The following RECQL4 variants were observed in gnomAD, a reference collection of about 807,000 sequenced individuals.
RECQL4 encodes the protein ATP-dependent DNA helicase Q4.
A neutral mutation model predicts 128.6 loss-of-function variants in RECQL4; 158 were observed. The ratio of observed to expected loss-of-function variants is 1.23; its 90% CI spans 1.08 to 1.40. The LOEUF (loss-of-function observed/expected upper bound fraction) is 1.40, where lower values mean the gene tolerates loss of function less well. Ranked by LOEUF, RECQL4 falls within the 40% of genes most tolerant of loss-of-function variation. The pLI, the probability that RECQL4 is intolerant of heterozygous loss-of-function variation, is 0.00. For missense variants in RECQL4, 2,293 were observed against 1,649.8 expected (o/e 1.39, Z -6.75); for synonymous variants, 996 against 678.9 (o/e 1.47, Z -7.26).
chr8:144,515,401 G>C lies in RECQL4; in HGVS notation c.1315C>G (p.Pro439Ala). The C allele has an allele frequency of 6.2e-7, 1 of 1,612,804 alleles. No homozygotes were observed. ...GPEPLVPSPQ[P>A]VPEVPSLDPT... is the part of the protein sequence containing the mutation. ...TCCAGGCTGGGCACCTCAGGTACAG[G>C]TTGTGGTGAAGGAACCAGTGGCTCA... The change falls in exon 7 of 21, where the codon CCT (proline) becomes GCT (alanine). Residue 439 changes from proline to alanine, a missense_variant. Coordinates refer to ENST00000617875, the MANE Select transcript of RECQL4 (RefSeq NM_004260.4).
In RECQL4 at chr8:144,515,201, GC is replaced by G; in HGVS notation, c.1431del (p.His478ThrfsTer80). The G allele has an allele frequency of 6.4e-7, 1 of 1,571,486 alleles. No homozygotes were observed. Among genetic ancestry groups the G allele is most frequent in the Non-Finnish European group, 8.6e-7 (1 of 1,159,300 alleles). On this transcript the variant is annotated frameshift_variant, in exon 8 of 21. Transcript: ENST00000617875. LOFTEE classifies it high-confidence loss of function. ...TCCTGCCCAGGGCGAAAGGCTTGGT[GC>G]CCCAGCTGCTCCAGGGCCTGGAACA... ...AEVFQALEQLGHQAFRPGQER... is the reference protein window; with the variant it reads ...AEVFQALEQLXHQAFRPGQER...
rs747895651 is a variant in RECQL4 at position 144,514,086 on chromosome 8, C to T, written c.1900G>A (p.Val634Met). Residue 634 changes from valine to methionine, a missense_variant, in exon 12 of 21, where the codon GTG becomes ATG. Coordinates refer to ENST00000617875, the MANE Select transcript of RECQL4 (RefSeq NM_004260.4). ...VCKVLRERMG[V>M]HCFLGLTATA... ...GCTGTGAGGCCCAGGAAGCAGTGCA[C>T]GCCCATGCGCTCCCGAAGCACCTGC... is the stretch of plus-strand genomic sequence containing the variant. 1.9e-5 allele frequency: 30 copies of T among 1,598,226 alleles called. No individual in the cohort carries two copies. The highest frequency in any genetic ancestry group is 1.1e-4 in the African/African-American group (8 of 74,532).
Position 144,511,980 on chromosome 8 carries a change from A to T in RECQL4, c.3324T>A (p.Phe1108Leu). The change falls in exon 19 of 21, where the codon TTT becomes TTA. Residue 1108 changes from phenylalanine (F) to leucine (L), a missense_variant. Physicochemically the swap from Phe to Leu is conservative, Grantham distance 22 (BLOSUM62 0). Transcript: ENST00000617875. ...CCGGCTCCTGCCCTTCCTCTTCCTC[A>T]AAGTAGCGGCCGAGCAGGTCCTTGA... The part of the protein sequence containing the change: ...TRLKDLLGRY[F>L]EEEEGQEPGG... 1.9e-6 allele frequency: 3 copies of T among 1,611,308 alleles called. No individual in the cohort carries two copies. Among genetic ancestry groups the T allele is most frequent in the Non-Finnish European group, 2.5e-6 (3 of 1,179,596 alleles).
rs1347831284 is a variant in RECQL4 at position 144,516,571 on chromosome 8, A to C, written c.548T>G (p.Leu183Arg). 3 of 1,609,998 alleles carry C rather than the reference A, an allele frequency of 1.9e-6. No individual in the cohort carries two copies. Among genetic ancestry groups the C allele is most frequent in the Non-Finnish European group, 2.5e-6 (3 of 1,178,760 alleles). Residue 183 changes from leucine to arginine, a missense_variant, in exon 5 of 21, where the codon CTG (leucine) becomes CGG (arginine). Coordinates refer to ENST00000617875, the MANE Select transcript of RECQL4 (RefSeq NM_004260.4). ...TAACCAGCCAGGATCTAGGGAGCCCAGCCGCTGGCTCAGGGATGCCTGCAG... is the reference window on the plus strand; with the variant it reads ...TAACCAGCCAGGATCTAGGGAGCCCCGCCGCTGGCTCAGGGATGCCTGCAG... ...QHLQASLSQR[L>R]GSLDPGWLQR...
At position 144,512,767 on chromosome 8, in the gene RECQL4, G is replaced by T. The variant is rs752058642; in HGVS notation, c.2760C>A (p.Ile920=). Residue 920 remains isoleucine, a synonymous_variant, in exon 16 of 21, where the codon ATC becomes ATA. Coordinates refer to ENST00000617875, the MANE Select transcript of RECQL4 (RefSeq NM_004260.4). ...VQALDMPEEA[I]ETLLCYLELH... is the part of the protein sequence containing the mutation. ...GCTCCAGGTAGCACAGCAAAGTCTC[G>T]ATGGCTGGGGGCAGAGCAGGGCTCA... 9.3e-6 allele frequency: 15 copies of T among 1,611,616 alleles called. No individual in the cohort carries two copies. The highest frequency in any genetic ancestry group is 1.0e-5 in the Non-Finnish European group (12 of 1,179,734).
Position 144,514,980 on chromosome 8 carries a change from G to A in RECQL4, c.1576C>T (p.Leu526Phe), listed in dbSNP as rs200732690. The change falls in exon 9 of 21, where the codon CTC becomes TTC. Residue 526 changes from leucine to phenylalanine, a missense_variant. Leu to Phe is a conservative substitution (Grantham distance 22, BLOSUM62 0). Transcript: ENST00000617875. ...AGCAGGGGAGAGACGACCAACGTGA[G>A]GCAGGGGCTGCGCCGGCTGTAGAGC... ...ALLYSRRSPC[L>F]TLVVSPLLSL... 651 of 1,611,946 alleles carry A rather than the reference G, an allele frequency of 4.0e-4. 2 individuals are homozygous for A. The highest frequency in any genetic ancestry group is 1.7e-3 in the Middle Eastern group (10 of 5,946).
chr8:144,516,803 C>T (rs1815123040), intron 4 of RECQL4, 39 bp from the exon 5 acceptor site: 2 of 1,506,556 alleles, frequency 1.3e-6, no homozygotes, highest in Non-Finnish European at 1.8e-6. Context: ...GGAACTCAGG[C>T]CCCTGAGCTA....
rs148912524 is a variant in RECQL4 at position 144,515,323 on chromosome 8, C to T, written c.1390+3G>A. The T allele has an allele frequency of 3.3e-3, 5,295 of 1,612,376 alleles. 18 individuals are homozygous for T. The highest frequency in any genetic ancestry group is 4.0e-3 in the Non-Finnish European group (4,748 of 1,179,624). The stretch of plus-strand genomic sequence containing the variant: ...GGCTCTGGGCCAGAAGCTGACTGCT[C>T]ACCTGCCAACTGCCCTGAGGGCCCC... On this transcript the variant is annotated splice_donor_region_variant and intron_variant, in intron 7 of 20. Transcript: ENST00000617875.
Position 144,516,362 on chromosome 8 carries a change from G to C in RECQL4, c.757C>G (p.Gln253Glu). The change falls in exon 5 of 21, where the codon CAG becomes GAG. Residue 253 changes from glutamine (Q) to glutamate (E), a missense_variant. Gln to Glu is a conservative substitution (Grantham distance 29, BLOSUM62 2). Transcript: ENST00000617875. ...TTCTCGCCTCCACTGCTGCTGGGCT[G>C]GGGGCTCCCCACACGGATGCTGACT... ...QEVSIRVGSP[Q>E]PSSSGGEKRR... The C allele has an allele frequency of 6.2e-7, 1 of 1,609,338 alleles. No homozygotes were observed. The highest frequency in any genetic ancestry group is 8.5e-7 in the Non-Finnish European group (1 of 1,179,252).
chr8:144,516,554 C>T lies in RECQL4; in HGVS notation c.565G>A (p.Gly189Ser), dbSNP rs34371341. The change falls in exon 5 of 21, where the codon GGC becomes AGC. Residue 189 changes from glycine to serine, a missense_variant. Physicochemically the swap from Gly to Ser is moderately conservative, Grantham distance 56. Coordinates refer to ENST00000617875, the MANE Select transcript of RECQL4 (RefSeq NM_004260.4). ...TCACTGTGACATCGCTGTAACCAGC[C>T]AGGATCTAGGGAGCCCAGCCGCTGG... ...LSQRLGSLDP[G>S]WLQRCHSEVP... 3.6e-4 allele frequency: 582 copies of T among 1,609,990 alleles called. 3 individuals carry two copies. In the African/African-American group the frequency reaches 6.9e-3, roughly 19 times the overall value.
At chr8:144,516,960 CCTGT>C (rs1010297888) in intron 4 of RECQL4, 86 bp downstream of exon 4, 475 of 1,522,592 alleles carry the variant, frequency 3.1e-4, no homozygotes, top group Non-Finnish European at 3.6e-4. Flanking sequence ...GGGGCCCGTG[CCTGT>C]CTGTGTGGAA....
Position 144,513,073 on chromosome 8 carries a change from C to T in RECQL4, c.2529G>A (p.Lys843=), listed in dbSNP as rs1554897835. The change falls in exon 15 of 21, where the codon AAG becomes AAA. Residue 843 remains lysine (K), a synonymous_variant. Transcript: ENST00000617875. ...HADSTDFLAV[K]RLVQRVFPAC... Reference sequence around the variant, plus strand: ...CTGGGAACACGCGCTGTACCAGCCTCTTCACAGCCAGGAAGTCCGTGCTGT... The same window carrying T: ...CTGGGAACACGCGCTGTACCAGCCTTTTCACAGCCAGGAAGTCCGTGCTGT... 3.2e-6 allele frequency: 5 copies of T among 1,578,638 alleles called. No homozygotes were observed. Among genetic ancestry groups the T allele is most frequent in the East Asian group, 4.6e-5 (2 of 43,586 alleles).
chr8:144,517,449 G>C lies in RECQL4; in HGVS notation c.178C>G (p.Arg60Gly). The C allele has an allele frequency of 6.3e-7, 1 of 1,592,536 alleles. No individual in the cohort carries two copies. The highest frequency in any genetic ancestry group is 1.9e-4 in the Middle Eastern group (1 of 5,212). ...GCCGCGGGGAGCGACTCGGAGCTGC[G>C]GAGCCCGCCGCCGGCCTGGCCCGTG... ...RTTGQAGGGL[R>G]SSESLPAAAE... The change falls in exon 3 of 21, where the codon CGC (arginine) becomes GGC (glycine). Residue 60 changes from arginine (R) to glycine (G), a missense_variant. Transcript: ENST00000617875.
rs763453097 is a variant in RECQL4 at position 144,517,189 on chromosome 8, G to A, written c.215C>T (p.Ala72Val). The change falls in exon 4 of 21, where the codon GCG (alanine) becomes GTG (valine). Residue 72 changes from alanine to valine, a missense_variant and splice_region_variant. By Grantham distance (64) the Ala-to-Val change is moderately conservative. Coordinates refer to ENST00000617875, the MANE Select transcript of RECQL4 (RefSeq NM_004260.4). ...SESLPAAAEE[A>V]PEPRCWGPHL... Reference sequence around the variant, plus strand: ...GGGCCCCCAGCAGCGGGGCTCTGGCGCCTGCAGGAGACAACAGGGGCACAG... The same window carrying A: ...GGGCCCCCAGCAGCGGGGCTCTGGCACCTGCAGGAGACAACAGGGGCACAG... The A allele has an allele frequency of 8.4e-5, 135 of 1,599,110 alleles. No homozygotes were observed. Among genetic ancestry groups the A allele is most frequent in the East Asian group, 3.6e-4 (16 of 44,384 alleles).
rs934102852 is a variant in RECQL4, at chr8:144,517,801, C to T, written c.-17G>A. Reference sequence around the variant, plus strand: ...CCGCTCCATGGCGCGCGCGCCCGCCCGGCCTCCGCGCTTGCGATCGTCCAG... The same window carrying T: ...CCGCTCCATGGCGCGCGCGCCCGCCTGGCCTCCGCGCTTGCGATCGTCCAG... On this transcript the variant is annotated 5_prime_UTR_variant, in exon 1 of 21. Coordinates refer to ENST00000617875, the MANE Select transcript of RECQL4 (RefSeq NM_004260.4). The T allele has an allele frequency of 4.1e-6, 5 of 1,208,548 alleles. No individual in the cohort carries two copies. Among genetic ancestry groups the T allele is most frequent in the South Asian group, 6.4e-5 (2 of 31,286 alleles). The allele number at this position is 1,208,548 out of a possible 1,614,324, so 74.9% of individuals were successfully genotyped here. A position where few individuals can be genotyped will look rare whatever the true frequency, so the allele number is the denominator to read the frequency against.
rs1203435784 is a variant in RECQL4 at position 144,513,322 on chromosome 8, G to GTGT, written c.2358_2359insACA (p.Val786_Leu787insThr). 1.9e-6 allele frequency: 3 copies of GTGT among 1,602,424 alleles called. No individual in the cohort carries two copies. Among genetic ancestry groups the GTGT allele is most frequent in the Non-Finnish European group, 2.5e-6 (3 of 1,179,542 alleles). ...AAGCTTGGGGGCAGCCCCAGATGCA[G>GTGT]CACAGCCCGCACATCTGGCCGGTCC... On this transcript the variant is annotated inframe_insertion, in exon 14 of 21. Coordinates refer to ENST00000617875, the MANE Select transcript of RECQL4 (RefSeq NM_004260.4).
intron 9 of RECQL4, 143 bp downstream of exon 9, chr8:144,514,793 G>T: frequency 9.2e-7 from 1 of 1,090,344 alleles, no homozygotes; most frequent in Non-Finnish European, 1.3e-6. Flanking sequence ...CCTTTGACCT[G>T]CTGCCAAGAC....
Position 144,512,343 on chromosome 8 carries a change from G to T in RECQL4, c.3056-19C>A. The T allele has an allele frequency of 6.2e-7, 1 of 1,611,518 alleles. No homozygotes were observed. Among genetic ancestry groups the T allele is most frequent in the South Asian group, 1.1e-5 (1 of 91,070 alleles). On this transcript the variant is annotated intron_variant, in intron 17 of 20. Coordinates refer to ENST00000617875, the MANE Select transcript of RECQL4 (RefSeq NM_004260.4). ...CGCACACCTGCCGGAAAGCATGTCA[G>T]ATGCAGGCAGGCAGCGTCCAGGGCG...
At position 144,511,682 on chromosome 8, in the gene RECQL4, G is replaced by T; in HGVS notation, c.3501C>A (p.Ile1167=). 1.2e-6 allele frequency: 2 copies of T among 1,612,318 alleles called. No homozygotes were observed. The highest frequency in any genetic ancestry group is 1.7e-6 in the Non-Finnish European group (2 of 1,179,646). The change falls in exon 20 of 21, where the codon ATC becomes ATA. Residue 1167 remains isoleucine (I), a splice_region_variant and synonymous_variant. Coordinates refer to ENST00000617875, the MANE Select transcript of RECQL4 (RefSeq NM_004260.4). ...CGGGTGGGGCCTCCCAGGCCTCACC[G>T]ATGCCGTGGAAGATGCGGGCCACAG... ...SRAVARIFHG[I]GSPCYPAQVY... is the part of the protein sequence containing the mutation.
Sources: gnomAD v4.1 joint callset for allele counts on GRCh38, gnomAD v4.1.1 for gene constraint, MANE v1.5 for transcripts, NCBI Gene and HGNC (gene_info 2026-07-23, HGNC 2026-07-21) for gene names.